Variants in SCHIP1 observed in about 807,000 individuals in gnomAD.
The protein encoded by SCHIP1 is schwannomin interacting protein 1, also known as schwannomin-interacting protein 1.
SCHIP1 carries 8 observed loss-of-function variants against 29.7 expected under a neutral mutation model. The observed-to-expected ratio is 0.27, with a 90% confidence interval of 0.16 to 0.49. SCHIP1 has a LOEUF of 0.49. Ranked by LOEUF, SCHIP1 falls within the 20% of genes least tolerant of loss-of-function variation. The pLI is 0.99. For missense variants in SCHIP1, 193 were observed against 294.6 expected, an observed-to-expected ratio of 0.66 and a Z score of 2.52; for synonymous variants, 76 against 94.9, an observed-to-expected ratio of 0.80 and a Z score of 1.16.
chr3:159,366,939 C>T, the SCHIP1 span, among the ~76,000 whole-genome samples: 2 of 151,984 alleles, frequency 1.3e-5, no homozygotes, highest in Admixed American at 1.3e-4. Context: ...ATTTCAATGC[C>T]CCTGGAAACT....
At chr3:159,481,127 A>C in the SCHIP1 span, among the ~76,000 whole-genome samples, 2 of 152,082 alleles carry the variant, frequency 1.3e-5, no homozygotes, top group African/African-American at 4.8e-5. Flanking sequence ...GGCCATCTGG[A>C]TGTACACATG....
chr3:159,370,733 T>C, the SCHIP1 span, among the ~76,000 whole-genome samples: 1 of 152,204 alleles, frequency 6.6e-6, no homozygotes, highest in Non-Finnish European at 1.5e-5. Context: ...GACATTTGTC[T>C]TCTCCTGCTA....
the SCHIP1 span, among the ~76,000 whole-genome samples, chr3:159,306,887 T>C: frequency 4.6e-5 from 7 of 152,184 alleles, no homozygotes; most frequent in Non-Finnish European, 1.0e-4. Context: ...CCCTAAAACC[T>C]CTGTAAGGTA....
At chr3:159,811,866 C>T in the SCHIP1 span, among the ~76,000 whole-genome samples, 5 of 151,926 alleles carry the variant, frequency 3.3e-5, no homozygotes, top group South Asian at 4.1e-4. Context: ...CTATAGATCA[C>T]GTTGAGGGGC....
At chr3:159,287,187 T>A in the SCHIP1 span, among the ~76,000 whole-genome samples, 2 of 152,104 alleles carry the variant, frequency 1.3e-5, no homozygotes, top group Non-Finnish European at 1.5e-5. Context: ...TCTTCCCTTG[T>A]TTTAATAGTT....
chr3:159,812,533 A>T, the SCHIP1 span, among the ~76,000 whole-genome samples: 1 of 152,388 alleles, frequency 6.6e-6, no homozygotes, highest in Middle Eastern at 3.4e-3. Flanking sequence ...CATGGCGTGC[A>T]TATCCAGTCC....
the SCHIP1 span, among the ~76,000 whole-genome samples, chr3:159,469,447 A>G: frequency 6.6e-6 from 1 of 152,182 alleles, no homozygotes; most frequent in South Asian, 2.1e-4. Context: ...CTTCCATTTC[A>G]TAGGAGTACA....
At chr3:159,879,837 C>T (rs62270407) in intron 2 of SCHIP1, among the ~76,000 whole-genome samples, 38,787 of 151,938 alleles carry the variant, frequency 0.26, 5,178 homozygotes, top group Non-Finnish European at 0.3. Flanking sequence ...GATACAGGGG[C>T]GATGTTTCTC....
the SCHIP1 span, among the ~76,000 whole-genome samples, chr3:159,280,260 C>T: frequency 6.6e-6 from 1 of 152,174 alleles, no homozygotes; most frequent in African/African-American, 2.4e-5. Context: ...TATTGCTATG[C>T]CTAGACTATG....
chr3:159,517,329 G>T, the SCHIP1 span, among the ~76,000 whole-genome samples: 1 of 152,178 alleles, frequency 6.6e-6, no homozygotes, highest in African/African-American at 2.4e-5. Context: ...TTTCAAGAAA[G>T]ATAAGTGTTT....
the SCHIP1 span, among the ~76,000 whole-genome samples, chr3:159,648,883 AAGAG>A: frequency 2.0e-5 from 3 of 150,074 alleles, no homozygotes; most frequent in African/African-American, 4.9e-5. Context: ...GGAGTGGGGA[AAGAG>A]AGAGAGAGAG....
chr3:159,888,649 TG>T (rs1411984679), intron 4 of SCHIP1, 170 bp from the exon 6 acceptor site: 22 of 857,610 alleles, frequency 2.6e-5, no homozygotes, highest in African/African-American at 3.5e-5. Flanking sequence ...TATTAGGTAA[TG>T]TAGTGTGGAT....
At chr3:159,404,277 C>A in the SCHIP1 span, among the ~76,000 whole-genome samples, 1 of 152,058 alleles carries the variant, frequency 6.6e-6, no homozygotes, top group Non-Finnish European at 1.5e-5. Flanking sequence ...GGGACTTTGT[C>A]TTGCAGCTTA....
At position 159,892,013 on chromosome 3, in the gene SCHIP1, G is replaced by A. The variant is rs938366777; in HGVS notation, c.590-84G>A. 1.2e-5 allele frequency: 18 copies of A among 1,444,132 alleles called. 1 individual carries two copies. The Admixed American group carries it at 3.6e-4, about 29-fold the overall frequency. The allele number at this position is 1,444,132 out of a possible 1,614,324, so 89.5% of individuals were successfully genotyped here. Reference sequence around the variant, plus strand: ...TCTTTCCTATTATGGGTAGCTGTTTGTGTGTATACTGGTTGGTAACTAGTT... The same window carrying A: ...TCTTTCCTATTATGGGTAGCTGTTTATGTGTATACTGGTTGGTAACTAGTT... On this transcript the variant is annotated intron_variant, in intron 5 of 6. Coordinates refer to ENST00000445224, the Ensembl canonical transcript of SCHIP1.
the SCHIP1 span, among the ~76,000 whole-genome samples, chr3:159,637,458 G>A: frequency 2.6e-5 from 4 of 151,080 alleles, no homozygotes; most frequent in Admixed American, 2.6e-4. Flanking sequence ...GGAGATAGGA[G>A]TAACCAAGAG....
At chr3:159,709,502 TC>T in the SCHIP1 span, among the ~76,000 whole-genome samples, 1 of 152,210 alleles carries the variant, frequency 6.6e-6, no homozygotes, top group Non-Finnish European at 1.5e-5. Flanking sequence ...CAGTCTTATG[TC>T]ATCAAAAGAA....
the SCHIP1 span, among the ~76,000 whole-genome samples, chr3:159,305,188 C>A: frequency 6.6e-6 from 1 of 152,176 alleles, no homozygotes; most frequent in Non-Finnish European, 1.5e-5. Flanking sequence ...CACACCTGGC[C>A]CAGAGCCCTG....
the SCHIP1 span, among the ~76,000 whole-genome samples, chr3:159,300,113 CTTTTT>C: frequency 1.0e-3 from 46 of 45,378 alleles, 1 homozygote; most frequent in Admixed American, 6.1e-3. Context: ...GGGAAAGCTG[CTTTTT>C]TTTTTTTTTT....
At chr3:159,674,623 A>T in the SCHIP1 span, among the ~76,000 whole-genome samples, 469 of 147,880 alleles carry the variant, frequency 3.2e-3, 5 homozygotes, top group African/African-American at 0.011. Flanking sequence ...AAAAAAAAAA[A>T]GCTGGGAAAA....
Sources: gnomAD v4.1 joint callset for allele counts (sites outside exome capture counted in the v4.1 genomes callset) on GRCh38, gnomAD v4.1.1 for gene constraint, MANE v1.5 for transcripts, NCBI Gene and HGNC (gene_info 2026-07-23, HGNC 2026-07-21) for gene names.